Variants in MYO3A observed in about 807,000 individuals in gnomAD.
The protein encoded by MYO3A is myosin-IIIa.
In MYO3A, 180 loss-of-function variants were observed where a neutral mutation model predicts 192.7. The observed-to-expected ratio is 0.93, with a 90% confidence interval of 0.83 to 1.06. The LOEUF is 1.06. Ranked by LOEUF, MYO3A falls within the 50% of genes least tolerant of loss-of-function variation. MYO3A has a pLI of 0.00. For missense variants in MYO3A, 1,896 were observed against 1,905.0 expected, an observed-to-expected ratio of 1.00 and a Z score of 0.09; for synonymous variants, 628 against 645.3, an observed-to-expected ratio of 0.97 and a Z score of 0.41.
intron 2 of MYO3A, among the ~76,000 whole-genome samples, chr10:25,942,296 C>T (rs2130829387): frequency 6.6e-6 from 1 of 152,332 alleles, no homozygotes; most frequent in South Asian, 2.1e-4. Flanking sequence ...ACCACCGCGT[C>T]CAGCCAATTA....
intron 31 of MYO3A, among the ~76,000 whole-genome samples, chr10:26,181,197 A>G (rs962201641): frequency 6.6e-6 from 1 of 152,214 alleles, no homozygotes; most frequent in Non-Finnish European, 1.5e-5. Context: ...AAATATTCTT[A>G]TCTTCTGCTG....
chr10:26,027,067 G>A (rs1269363411), intron 10 of MYO3A, among the ~76,000 whole-genome samples: 2 of 151,956 alleles, frequency 1.3e-5, no homozygotes, highest in Non-Finnish European at 2.9e-5. Flanking sequence ...ATGTTTTCTT[G>A]TATTTTCTGC....
At position 26,170,499 on chromosome 10, in the gene MYO3A, G is replaced by C. The variant is rs771429089; in HGVS notation, c.3358G>C (p.Asp1120His). 1 of 1,612,918 alleles carries C rather than the reference G, an allele frequency of 6.2e-7. No individual in the cohort carries two copies. Among genetic ancestry groups the C allele is most frequent in the African/African-American group, 1.3e-5 (1 of 74,894 alleles). The change falls in exon 29 of 35, where the codon GAT becomes CAT. Residue 1120 changes from aspartate to histidine, a missense_variant. Coordinates refer to ENST00000642920, the MANE Select transcript of MYO3A (RefSeq NM_017433.5). ...AGCAGTAACAACCATTCAAACTTCT[G>C]ATCAGGAATTCGACTACAAGAAAAA... ...NTAVTTIQTS[D>H]QEFDYKKNFE...
At chr10:25,969,122 C>A (rs1056814979) in intron 4 of MYO3A, among the ~76,000 whole-genome samples, 1 of 152,058 alleles carries the variant, frequency 6.6e-6, no homozygotes, top group Non-Finnish European at 1.5e-5. Flanking sequence ...ACCTGTAGTC[C>A]CAGCTACTCG....
At chr10:26,157,795 C>T (rs928261532) in intron 26 of MYO3A, among the ~76,000 whole-genome samples, 19 of 152,168 alleles carry the variant, frequency 1.2e-4, no homozygotes, top group Non-Finnish European at 2.6e-4. Flanking sequence ...AGCTCAGCCA[C>T]TTGCTATGTG....
chr10:26,084,349 T>C (rs1005082374), intron 14 of MYO3A, among the ~76,000 whole-genome samples: 1 of 152,204 alleles, frequency 6.6e-6, no homozygotes, highest in Non-Finnish European at 1.5e-5. Flanking sequence ...TTGCTAATAT[T>C]TTATTGAGGA....
At position 26,100,020 on chromosome 10, in the gene MYO3A, G is replaced by A. The variant is rs1275496025; in HGVS notation, c.1776+3338G>A. ...CCTCTTTGTACCTCTGGTAGAATTC[G>A]GCTGTGAATCCATCTGGTCCTGGAC... On this transcript the variant is annotated intron_variant, in intron 17 of 34. Transcript: ENST00000642920. Among the ~76,000 whole-genome samples, 5 of 152,118 alleles carry A rather than the reference G, an allele frequency of 3.3e-5. No homozygotes were observed. In the South Asian group the frequency reaches 6.2e-4, roughly 19 times the overall value.
chr10:26,110,084 C>G (rs1838067337), intron 17 of MYO3A, among the ~76,000 whole-genome samples: 1 of 152,122 alleles, frequency 6.6e-6, no homozygotes, highest in African/African-American at 2.4e-5. Flanking sequence ...ACACTTTACT[C>G]GCAAAAAGTC....
At chr10:26,086,155 G>A (rs896863364) in intron 14 of MYO3A, among the ~76,000 whole-genome samples, 4 of 152,080 alleles carry the variant, frequency 2.6e-5, no homozygotes, top group Non-Finnish European at 4.4e-5. Flanking sequence ...TGGCTGGGAA[G>A]GCCTCAAAAA....
intron 26 of MYO3A, among the ~76,000 whole-genome samples, chr10:26,158,472 G>T (rs1396222371): frequency 6.6e-6 from 1 of 151,892 alleles, no homozygotes; most frequent in Non-Finnish European, 1.5e-5. Flanking sequence ...AGCCAGGATG[G>T]TCTCGATCTT....
intron 19 of MYO3A, among the ~76,000 whole-genome samples, chr10:26,126,747 A>G (rs1319825404): frequency 6.6e-6 from 1 of 152,188 alleles, no homozygotes; most frequent in East Asian, 1.9e-4. Flanking sequence ...TTGGCACTAA[A>G]TGATACCTAC....
intron 2 of MYO3A, among the ~76,000 whole-genome samples, chr10:25,942,624 TAA>T (rs1391427039): frequency 6.6e-6 from 1 of 152,234 alleles, no homozygotes; most frequent in African/African-American, 2.4e-5. Context: ...TTCTTCTTTC[TAA>T]ATAATAACTT....
intron 2 of MYO3A, among the ~76,000 whole-genome samples, chr10:25,946,872 C>T (rs768780962): frequency 3.0e-4 from 30 of 100,244 alleles, no homozygotes; most frequent in African/African-American, 1.1e-3. Flanking sequence ...AGTGAGACTC[C>T]GTCTCAAAAA....
intron 1 of MYO3A, among the ~76,000 whole-genome samples, chr10:25,934,794 G>T (rs1307762243): frequency 6.6e-6 from 1 of 151,612 alleles, no homozygotes; most frequent in Admixed American, 6.6e-5. Flanking sequence ...GGAACGTGAG[G>T]AATGAACTTG....
intron 17 of MYO3A, among the ~76,000 whole-genome samples, chr10:26,119,041 A>G (rs368848269): frequency 2.1e-4 from 32 of 152,038 alleles, no homozygotes; most frequent in African/African-American, 7.5e-4. Context: ...CAGCCCTCGT[A>G]TGTCTTCCTT....
intron 20 of MYO3A, among the ~76,000 whole-genome samples, chr10:26,132,068 A>G (rs1012295415): frequency 1.3e-5 from 2 of 152,230 alleles, no homozygotes; most frequent in Non-Finnish European, 2.9e-5. Flanking sequence ...TTTATTTTGC[A>G]GCTCAAATGG....
chr10:26,174,087 G>A lies in MYO3A; in HGVS notation c.3823G>A (p.Ala1275Thr). Residue 1275 changes from alanine (A) to threonine (T), a missense_variant, in exon 30 of 35, where the codon GCT (alanine) becomes ACT (threonine). Physicochemically the swap from Ala to Thr is moderately conservative, Grantham distance 58 (BLOSUM62 0). Coordinates refer to ENST00000642920, the MANE Select transcript of MYO3A (RefSeq NM_017433.5). The stretch of plus-strand genomic sequence containing the variant: ...GCCAAGCTACCCAGTGCCTTGGTTA[G>A]CTGAAAATGAGACTTCCTTTAAAAA... ...ERPSYPVPWL[A>T]ENETSFKKTL... is the part of the protein sequence containing the mutation. 1.2e-6 allele frequency: 2 copies of A among 1,614,204 alleles called. No individual in the cohort carries two copies. Among genetic ancestry groups the A allele is most frequent in the Non-Finnish European group, 1.7e-6 (2 of 1,180,038 alleles).
chr10:26,002,419 T>C (rs61848905), intron 6 of MYO3A, among the ~76,000 whole-genome samples: 1 of 152,008 alleles, frequency 6.6e-6, no homozygotes, highest in Admixed American at 6.6e-5. Flanking sequence ...GGGGAAGGGG[T>C]TCTTATCACT....
At position 26,128,425 on chromosome 10, in the gene MYO3A, G is replaced by T. The variant is rs892026957; in HGVS notation, c.2149G>T (p.Asp717Tyr). The T allele has an allele frequency of 6.2e-7, 1 of 1,613,054 alleles. No individual in the cohort carries two copies. Among genetic ancestry groups the T allele is most frequent in the Non-Finnish European group, 8.5e-7 (1 of 1,179,306 alleles). Residue 717 changes from aspartate (D) to tyrosine (Y), a missense_variant, in exon 20 of 35, where the codon GAT (aspartate) becomes TAT (tyrosine). Physicochemically the swap from Asp to Tyr is radical, Grantham distance 160 (BLOSUM62 -3). Transcript: ENST00000642920. The stretch of plus-strand genomic sequence containing the variant: ...TGATGAGCTGAGCATTGGCATTCTT[G>T]ATATATTTGGCTTTGAAAATTTCAA... ...NGDELSIGIL[D>Y]IFGFENFKKN...
Sources: allele counts gnomAD v4.1 joint callset (sites outside exome capture counted in the v4.1 genomes callset), GRCh38; gene constraint gnomAD v4.1.1; transcripts MANE v1.5; gene names NCBI Gene and HGNC (gene_info 2026-07-23, HGNC 2026-07-21).